RPL27A: variants seen among roughly 807,000 people sequenced by gnomAD.
RPL27A encodes the protein large ribosomal subunit protein uL15.
For synonymous variants in RPL27A, 69 were observed against 68.3 expected (o/e 1.01, Z -0.05); for missense variants, 118 against 189.4 (o/e 0.62, Z 2.21).
At position 8,689,095 on chromosome 11, in the gene RPL27A, T is replaced by G. The variant is rs1047342892; in HGVS notation, c.*3289T>G. The G allele has an allele frequency of 1.3e-5, 2 of 152,266 alleles. No individual in the cohort carries two copies. Among genetic ancestry groups the G allele is most frequent in the Admixed American group, 6.5e-5 (1 of 15,284 alleles). The allele number at this position is 152,266 out of a possible 1,614,324, so 9.4% of individuals were successfully genotyped here. ...CGGCAAGGGCGGAGCCGGCCAGTGG[T>G]GCGCGAGCGCAGATAACTCCCCTGG... On this transcript the variant is annotated 3_prime_UTR_variant, in exon 5 of 5. Transcript: ENST00000314138.
intron 4 of RPL27A, chr11:8,685,396 T>A: frequency 1.6e-6 from 1 of 606,170 alleles, no homozygotes; most frequent in Non-Finnish European, 3.1e-6. Context: ...TTGTCTTCTT[T>A]TGCTTAGCAG....
Position 8,687,079 on chromosome 11 carries a change from A to G in RPL27A, c.*1273A>G, listed in dbSNP as rs1449767264. 6.6e-6 allele frequency: 1 copy of G among 152,244 alleles called. No individual in the cohort carries two copies. The highest frequency in any genetic ancestry group is 2.4e-5 in the African/African-American group (1 of 41,452). 9.4% of individuals were successfully genotyped at this position (152,244 alleles called of 1,614,324 possible). ...ACAGAGAAGCACTGAATTGGCTTAC[A>G]TAAGAATAGGCTAGAATTACAAGTA... On this transcript the variant is annotated 3_prime_UTR_variant, in exon 5 of 5. Transcript: ENST00000314138.
In RPL27A at chr11:8,688,218, G is replaced by C. The variant is rs1057460983; in HGVS notation, c.*2412G>C. On this transcript the variant is annotated 3_prime_UTR_variant, in exon 5 of 5. Coordinates refer to ENST00000314138, the MANE Select transcript of RPL27A (RefSeq NM_000990.5). ...GACGGCATAATGGACGGGACTTGGA[G>C]ACTGAATTGTAGTGGGCCGACCACA... 6.6e-6 allele frequency: 1 copy of C among 152,414 alleles called. No homozygotes were observed. The highest frequency in any genetic ancestry group is 1.9e-4 in the East Asian group (1 of 5,192). 9.4% of individuals were successfully genotyped at this position (152,414 alleles called of 1,614,324 possible). A position where few individuals can be genotyped will look rare whatever the true frequency, so the allele number is the denominator to read the frequency against.
At chr11:8,682,860 C>T in intron 1 of RPL27A, 44 bp downstream of exon 1, 1 of 1,597,746 alleles carries the variant, frequency 6.3e-7, no homozygotes, top group Non-Finnish European at 8.5e-7. Context: ...CCGGCGGAGA[C>T]CCCTAAGCTG....
intron 3 of RPL27A, 76 bp from the exon 4 acceptor site, chr11:8,684,642 G>T (rs2039567636): frequency 4.8e-6 from 6 of 1,242,120 alleles, no homozygotes; most frequent in Non-Finnish European, 7.0e-6. Context: ...CTCTAATAGG[G>T]GGTGGTAACT....
At chr11:8,685,644 A>G (rs769018107) in intron 4 of RPL27A, 34 bp from the exon 5 acceptor site, 1 of 1,612,756 alleles carries the variant, frequency 6.2e-7, no homozygotes. Context: ...TACCTACTAC[A>G]GTGTATTGTA....
chr11:8,686,633 T>C lies in RPL27A; in HGVS notation c.*827T>C, dbSNP rs1463676502. 1 of 152,238 alleles carries C rather than the reference T, an allele frequency of 6.6e-6. No individual in the cohort carries two copies. The highest frequency in any genetic ancestry group is 1.5e-5 in the Non-Finnish European group (1 of 68,038). 9.4% of individuals were successfully genotyped at this position (152,238 alleles called of 1,614,324 possible). A position where few individuals can be genotyped will look rare whatever the true frequency, so the allele number is the denominator to read the frequency against. On this transcript the variant is annotated 3_prime_UTR_variant, in exon 5 of 5. Transcript: ENST00000314138. ...ATCTGAAATTTCAGTATGCCAGGGC[T>C]TTTCTGTATGTCAAAGTGGGTTTGA...
rs2039611305 is a variant in RPL27A, at chr11:8,688,918, G to A, written c.*3112G>A. ...CATCAGTCAGCACGACCCGACCTCA[G>A]TGGCGTCCTCACAACACAGACCGGA... On this transcript the variant is annotated 3_prime_UTR_variant, in exon 5 of 5. Coordinates refer to ENST00000314138, the MANE Select transcript of RPL27A (RefSeq NM_000990.5). 6.6e-6 allele frequency: 1 copy of A among 152,294 alleles called. No homozygotes were observed. Among genetic ancestry groups the A allele is most frequent in the South Asian group, 2.1e-4 (1 of 4,838 alleles). 9.4% of individuals were successfully genotyped at this position (152,294 alleles called of 1,614,324 possible). A position where few individuals can be genotyped will look rare whatever the true frequency, so the allele number is the denominator to read the frequency against.
intron 1 of RPL27A, 28 bp from the exon 2 acceptor site, chr11:8,683,174 G>A (rs200301068): frequency 9.3e-6 from 15 of 1,612,440 alleles, no homozygotes; most frequent in Non-Finnish European, 1.7e-6. Flanking sequence ...AATTCCTTAG[G>A]CCTTACCACC....
At position 8,686,942 on chromosome 11, in the gene RPL27A, TGGA is replaced by T. The variant is rs1436034874; in HGVS notation, c.*1139_*1141del. 6.6e-6 allele frequency: 1 copy of T among 152,206 alleles called. No individual in the cohort carries two copies. Among genetic ancestry groups the T allele is most frequent in the African/African-American group, 2.4e-5 (1 of 41,456 alleles). The allele number at this position is 152,206 out of a possible 1,614,324, so 9.4% of individuals were successfully genotyped here. ...ACTTAGACTCCTGGGTTTTAGTTAGTGGAGGTTTCCTTAGTGCACTGTGGGGTC... is the reference window on the plus strand; with the variant it reads ...ACTTAGACTCCTGGGTTTTAGTTAGTGGTTTCCTTAGTGCACTGTGGGGTC... On this transcript the variant is annotated 3_prime_UTR_variant, in exon 5 of 5. Coordinates refer to ENST00000314138, the MANE Select transcript of RPL27A (RefSeq NM_000990.5).
chr11:8,683,882 G>T (rs538052428), intron 2 of RPL27A, 124 bp from the exon 3 acceptor site: 12 of 775,250 alleles, frequency 1.5e-5, no homozygotes, highest in South Asian at 1.4e-4. Flanking sequence ...GGGTTTCTCC[G>T]TGTTGGCCAG....
chr11:8,689,055 T>G lies in RPL27A; in HGVS notation c.*3249T>G, dbSNP rs1327875563. 6.6e-6 allele frequency: 1 copy of G among 152,268 alleles called. No homozygotes were observed. The highest frequency in any genetic ancestry group is 2.1e-4 in the South Asian group (1 of 4,834). 9.4% of individuals were successfully genotyped at this position (152,268 alleles called of 1,614,324 possible). Reference sequence around the variant, plus strand: ...GGAAGAAGCCCGGCGGAGACCGGCCTCGCTCGGCCACTTCCGGCAAGGGCG... The same window carrying G: ...GGAAGAAGCCCGGCGGAGACCGGCCGCGCTCGGCCACTTCCGGCAAGGGCG... On this transcript the variant is annotated 3_prime_UTR_variant, in exon 5 of 5. Coordinates refer to ENST00000314138, the MANE Select transcript of RPL27A (RefSeq NM_000990.5).
chr11:8,685,896 T>A lies in RPL27A; in HGVS notation c.*90T>A. 1 of 1,320,550 alleles carries A rather than the reference T, an allele frequency of 7.6e-7. No homozygotes were observed. Among genetic ancestry groups the A allele is most frequent in the South Asian group, 1.3e-5 (1 of 78,476 alleles). The allele number at this position is 1,320,550 out of a possible 1,614,324, so 81.8% of individuals were successfully genotyped here. A position where few individuals can be genotyped will look rare whatever the true frequency, so the allele number is the denominator to read the frequency against. On this transcript the variant is annotated 3_prime_UTR_variant, in exon 5 of 5. Transcript: ENST00000314138. ...TTCAGTGGCACCTCTACATCCTGTG[T>A]GCATTGGGAGCCCAGGTTCTAGTAC...
chr11:8,685,545 G>A (rs183115320), intron 4 of RPL27A, 133 bp from the exon 5 acceptor site: 35 of 992,170 alleles, frequency 3.5e-5, no homozygotes, highest in Admixed American at 2.2e-4. Flanking sequence ...CGGTGCCCCC[G>A]TTAGTGCCCA....
chr11:8,682,957 C>A (rs1344455439), intron 1 of RPL27A, 141 bp downstream of exon 1: 1 of 1,212,342 alleles, frequency 8.2e-7, no homozygotes, highest in Non-Finnish European at 1.2e-6. Flanking sequence ...GGGTGGCCGG[C>A]GCGGGCCCGG....
rs2039618716 is a variant in RPL27A at position 8,689,568 on chromosome 11, T to G, written c.*3762T>G. On this transcript the variant is annotated 3_prime_UTR_variant, in exon 5 of 5. Transcript: ENST00000314138. The stretch of plus-strand genomic sequence containing the variant: ...GTTGCTGAAAAGTAATATTTTCTCT[T>G]TCGAGAGTTTTCATGGCCTTTTAAA... 6.6e-6 allele frequency: 1 copy of G among 152,070 alleles called. No homozygotes were observed. The highest frequency in any genetic ancestry group is 2.1e-4 in the South Asian group (1 of 4,826). 9.4% of individuals were successfully genotyped at this position (152,070 alleles called of 1,614,324 possible).
Position 8,688,192 on chromosome 11 carries a change from A to T in RPL27A, c.*2386A>T, listed in dbSNP as rs1234440931. On this transcript the variant is annotated 3_prime_UTR_variant, in exon 5 of 5. Coordinates refer to ENST00000314138, the MANE Select transcript of RPL27A (RefSeq NM_000990.5). ...AGTGAGTATGGAAAAGGTACGATTC[A>T]GACGGCATAATGGACGGGACTTGGA... 6.6e-6 allele frequency: 1 copy of T among 152,304 alleles called. No homozygotes were observed. The highest frequency in any genetic ancestry group is 1.9e-4 in the East Asian group (1 of 5,204). The allele number at this position is 152,304 out of a possible 1,614,324, so 9.4% of individuals were successfully genotyped here.
intron 3 of RPL27A, 63 bp downstream of exon 3, chr11:8,684,144 G>A: frequency 7.2e-7 from 1 of 1,394,102 alleles, no homozygotes; most frequent in South Asian, 1.2e-5. Context: ...GAGAGGGCTG[G>A]CTTAAACAAA....
chr11:8,682,851 CG>C, intron 1 of RPL27A, 35 bp downstream of exon 1: 1 of 1,604,704 alleles, frequency 6.2e-7, no homozygotes, highest in South Asian at 1.1e-5. Flanking sequence ...TCTTCCTTGC[CG>C]GCGGAGACCC....
Sources: gnomAD v4.1 joint callset for allele counts on GRCh38, gnomAD v4.1.1 for gene constraint, MANE v1.5 for transcripts, NCBI Gene and HGNC (gene_info 2026-07-23, HGNC 2026-07-21) for gene names.